TANGO6: variants seen among roughly 807,000 people sequenced by gnomAD.
TANGO6 encodes the protein transport and Golgi organization protein 6 homolog.
In TANGO6, 90 loss-of-function variants were observed where a neutral mutation model predicts 114.2. The ratio of observed to expected loss-of-function variants is 0.79; its 90% CI spans 0.66 to 0.94. The LOEUF is 0.94. Ranked by LOEUF, TANGO6 falls within the 40% of genes least tolerant of loss-of-function variation. The probability of loss-of-function intolerance (pLI) is 0.00; values close to 1 mark genes in which losing one functional copy is unlikely to be tolerated. For synonymous variants in TANGO6, 477 were observed against 509.8 expected (o/e 0.94, Z 0.87); for missense variants, 1,274 against 1,315.3 (o/e 0.97, Z 0.49).
intron 17 of TANGO6, among the ~76,000 whole-genome samples, chr16:69,073,360 C>T (rs1044252999): frequency 6.6e-5 from 10 of 152,226 alleles, no homozygotes; most frequent in East Asian, 3.8e-4. Flanking sequence ...GCGGAAATGA[C>T]TTCCTTTGCT....
chr16:68,843,784 C>T, intron 1 of TANGO6, 73 bp downstream of exon 1: 4 of 1,481,912 alleles, frequency 2.7e-6, no homozygotes, highest in Non-Finnish European at 3.7e-6. Flanking sequence ...GGCTGCCCTG[C>T]CTTCCGCAGC....
chr16:69,063,264 G>A (rs1326985706), intron 17 of TANGO6, among the ~76,000 whole-genome samples: 2 of 150,618 alleles, frequency 1.3e-5, no homozygotes, highest in Admixed American at 6.6e-5. Context: ...GGTGGCTCAC[G>A]CCTGTAATCC....
intron 11 of TANGO6, among the ~76,000 whole-genome samples, chr16:68,916,237 C>T (rs1203321393): frequency 2.0e-5 from 3 of 152,126 alleles, no homozygotes; most frequent in Non-Finnish European, 4.4e-5. Context: ...AGGAACCAGG[C>T]CGCATAACTG....
chr16:69,050,729 CCA>C (rs1415038608), intron 17 of TANGO6, among the ~76,000 whole-genome samples: 4 of 152,174 alleles, frequency 2.6e-5, no homozygotes, highest in African/African-American at 9.6e-5. Context: ...ACCTCATGAT[CCA>C]CACACCTCGG....
chr16:69,020,900 ATGTATGTGTGTGTGTGTG>A (rs1185259772), intron 15 of TANGO6, among the ~76,000 whole-genome samples: 5 of 126,408 alleles, frequency 4.0e-5, no homozygotes, highest in Non-Finnish European at 6.6e-5. Context: ...TTATATATGT[ATGTATGTGTGTGTGTGTG>A]TGTGTGTGTG....
At position 68,974,056 on chromosome 16, in the gene TANGO6, T is replaced by C. The variant is rs1446453580; in HGVS notation, c.2730T>C (p.Pro910=). The C allele has an allele frequency of 1.9e-5, 30 of 1,611,902 alleles. No homozygotes were observed. The highest frequency in any genetic ancestry group is 2.5e-5 in the Non-Finnish European group (30 of 1,179,100). ...QGVALLSDVY[P]EKILPDLLAQ... The stretch of plus-strand genomic sequence containing the variant: ...TTGCCCTGCTGTCAGACGTCTATCC[T>C]GAGAAAATCTTGCCGGACTTGTTGG... The change falls in exon 15 of 18, where the codon CCT becomes CCC. Residue 910 remains proline, a synonymous_variant. Coordinates refer to ENST00000261778, the MANE Select transcript of TANGO6 (RefSeq NM_024562.2).
intron 11 of TANGO6, among the ~76,000 whole-genome samples, chr16:68,912,410 G>A (rs1466554097): frequency 1.3e-5 from 2 of 152,034 alleles, no homozygotes; most frequent in Non-Finnish European, 2.9e-5. Context: ...GAGGTGGGCA[G>A]ATCACTTGAG....
intron 15 of TANGO6, among the ~76,000 whole-genome samples, chr16:68,975,929 TTTGTTG>T (rs1174770738): frequency 2.0e-5 from 3 of 151,844 alleles, no homozygotes; most frequent in Non-Finnish European, 2.9e-5. Context: ...GGGTTTGGTT[TTTGTTG>T]TTGTTGTTGT....
Position 68,919,189 on chromosome 16 carries a change from G to C in TANGO6, c.2097G>C (p.Leu699=). The C allele has an allele frequency of 1.2e-6, 2 of 1,612,780 alleles. No homozygotes were observed. Residue 699 remains leucine (L), a synonymous_variant, in exon 12 of 18, where the codon CTG becomes CTC. Transcript: ENST00000261778. The part of the protein sequence containing the change: ...ESQTLSMSMG[L]VAVMLGGAVQ... ...AGACGCTGAGCATGTCCATGGGGCT[G>C]GTGGCTGTCATGCTAGGAGGAGCTG...
At position 68,969,725 on chromosome 16, in the gene TANGO6, A is replaced by C. The variant is rs548923818; in HGVS notation, c.2702-4303A>C. On this transcript the variant is annotated intron_variant, in intron 14 of 17. Coordinates refer to ENST00000261778, the MANE Select transcript of TANGO6 (RefSeq NM_024562.2). ...AAAATCTGAAAAATCATTGTTAACC[A>C]GAAAAAGGGTGTGTTAGGATTATTT... Among the ~76,000 whole-genome samples the C allele has an allele frequency of 2.0e-5, 3 of 152,182 alleles. No individual in the cohort carries two copies. In the South Asian group the frequency reaches 6.2e-4, roughly 32 times the overall value.
intron 17 of TANGO6, among the ~76,000 whole-genome samples, chr16:69,079,064 GC>G (rs1960428052): frequency 6.6e-6 from 1 of 151,820 alleles, no homozygotes; most frequent in Non-Finnish European, 1.5e-5. Flanking sequence ...AGTGGCTCAT[GC>G]CTGTAATCCC....
In TANGO6 at chr16:69,083,794, C is replaced by A; in HGVS notation, c.*133C>A. 1 of 1,008,566 alleles carries A rather than the reference C, an allele frequency of 9.9e-7. No individual in the cohort carries two copies. Among genetic ancestry groups the A allele is most frequent in the Non-Finnish European group, 1.4e-6 (1 of 705,818 alleles). The allele number at this position is 1,008,566 out of a possible 1,614,324, so 62.5% of individuals were successfully genotyped here. A position where few individuals can be genotyped will look rare whatever the true frequency, so the allele number is the denominator to read the frequency against. On this transcript the variant is annotated 3_prime_UTR_variant, in exon 18 of 18. Coordinates refer to ENST00000261778, the MANE Select transcript of TANGO6 (RefSeq NM_024562.2). Reference sequence around the variant, plus strand: ...TGACCCTCGGGGTGGTTTTATGGTGCAGGTCACTTGGGTCTTCAGGGTCCC... The same window carrying A: ...TGACCCTCGGGGTGGTTTTATGGTGAAGGTCACTTGGGTCTTCAGGGTCCC...
intron 5 of TANGO6, among the ~76,000 whole-genome samples, chr16:68,875,693 C>T (rs756695859): frequency 6.6e-6 from 1 of 151,258 alleles, no homozygotes. Context: ...GGATTGAACC[C>T]GGGAGGCGGA....
chr16:68,950,790 C>T (rs1159968890), intron 14 of TANGO6, among the ~76,000 whole-genome samples: 1 of 151,762 alleles, frequency 6.6e-6, no homozygotes, highest in Non-Finnish European at 1.5e-5. Flanking sequence ...GCCTGGGAGG[C>T]GGAGGTTGCA....
At chr16:69,053,666 C>G (rs992492755) in intron 17 of TANGO6, among the ~76,000 whole-genome samples, 1 of 152,154 alleles carries the variant, frequency 6.6e-6, no homozygotes, top group Non-Finnish European at 1.5e-5. Flanking sequence ...TATTTATGGA[C>G]TAGAGGACTT....
At chr16:68,845,860 G>GT (rs1312420200) in intron 1 of TANGO6, among the ~76,000 whole-genome samples, 56 of 146,534 alleles carry the variant, frequency 3.8e-4, no homozygotes, top group Admixed American at 1.0e-3. Flanking sequence ...TTTGTTTTTT[G>GT]TTTTTTTTTT....
At chr16:69,016,081 C>T (rs1959293370) in intron 15 of TANGO6, among the ~76,000 whole-genome samples, 2 of 152,048 alleles carry the variant, frequency 1.3e-5, no homozygotes. Context: ...TTTTCATAGC[C>T]TTCATTGCTG....
chr16:69,001,879 TAATAACC>T (rs1379835083), intron 15 of TANGO6, among the ~76,000 whole-genome samples: 1 of 152,210 alleles, frequency 6.6e-6, no homozygotes, highest in Non-Finnish European at 1.5e-5. Context: ...TGGCCTGTAG[TAATAACC>T]ACTCACTGTA....
At chr16:68,897,134 C>T (rs1182070111) in intron 7 of TANGO6, among the ~76,000 whole-genome samples, 1 of 152,082 alleles carries the variant, frequency 6.6e-6, no homozygotes, top group Non-Finnish European at 1.5e-5. Flanking sequence ...AACTCCTGAC[C>T]TCGTGATCCA....
Sources: allele counts gnomAD v4.1 joint callset (sites outside exome capture counted in the v4.1 genomes callset), GRCh38; gene constraint gnomAD v4.1.1; transcripts MANE v1.5; gene names NCBI Gene and HGNC (gene_info 2026-07-23, HGNC 2026-07-21).